SMARCD1: variants seen among roughly 807,000 people sequenced by gnomAD.
SMARCD1 encodes the protein SWI/SNF related BAF chromatin remodeling complex subunit D1.
Under a neutral mutation model 70.8 loss-of-function variants are expected in SMARCD1, and 16 were observed. That is an observed-to-expected ratio of 0.23 (90% CI 0.15 to 0.34). The LOEUF (loss-of-function observed/expected upper bound fraction) is 0.34. Among genes scored for constraint, SMARCD1 ranks in the 10% least tolerant of loss-of-function variants. SMARCD1 has a pLI of 1.00. For synonymous variants in SMARCD1, 249 were observed against 246.0 expected (o/e 1.01, Z -0.11); for missense variants, 409 against 655.5 (o/e 0.62, Z 4.11).
chr12:50,097,757 G>A lies in SMARCD1; in HGVS notation c.1392+785G>A, dbSNP rs538216961. On this transcript the variant is annotated intron_variant, in intron 11 of 12. Coordinates refer to ENST00000394963, the MANE Select transcript of SMARCD1 (RefSeq NM_003076.5). ...AATAAAAAAATCAGCCAGGCGTGGT[G>A]GCGGGTGCCTGTAATCCCAGCTACC... is the stretch of plus-strand genomic sequence containing the variant. 7.9e-5 allele frequency among the ~76,000 whole-genome samples: 12 copies of A among 151,964 alleles called. 1 individual carries two copies. In the South Asian group the frequency reaches 2.5e-3, roughly 32 times the overall value.
Position 50,090,330 on chromosome 12 carries a change from A to G in SMARCD1, c.963A>G (p.Gln321=). Residue 321 remains glutamine (Q), a synonymous_variant, in exon 8 of 13, where the codon CAA becomes CAG. Coordinates refer to ENST00000394963, the MANE Select transcript of SMARCD1 (RefSeq NM_003076.5). ...TRPVIIQALW[Q]YIKTHKLQDP... ...CAGTGATCATCCAAGCACTGTGGCA[A>G]TATATTAAGACACATAAGCTCCAGG... is the stretch of plus-strand genomic sequence containing the variant. The G allele has an allele frequency of 6.2e-7, 1 of 1,614,170 alleles. No individual in the cohort carries two copies. The highest frequency in any genetic ancestry group is 8.5e-7 in the Non-Finnish European group (1 of 1,180,022).
chr12:50,096,778 C>G (rs1950896745), intron 10 of SMARCD1, 72 bp from the exon 11 acceptor site: 1 of 1,467,474 alleles, frequency 6.8e-7, no homozygotes, highest in African/African-American at 1.4e-5. Flanking sequence ...GTGGAGTTGT[C>G]AGGCACCACC....
chr12:50,096,750 C>G (rs1950896440), intron 10 of SMARCD1, 100 bp from the exon 11 acceptor site: 1 of 1,084,890 alleles, frequency 9.2e-7, no homozygotes, highest in Admixed American at 2.1e-5. Flanking sequence ...AGCATGGTGA[C>G]TAGGTTGGAA....
chr12:50,089,870 CT>C lies in SMARCD1; in HGVS notation c.772-12del, dbSNP rs1565739418. 6 of 1,571,848 alleles carry C rather than the reference CT, an allele frequency of 3.8e-6. No individual in the cohort carries two copies. In the Middle Eastern group the frequency reaches 6.9e-4, roughly 180 times the overall value. The stretch of plus-strand genomic sequence containing the variant: ...CCTCTGGGAGAGCACCCCCTGACAT[CT>C]TCCTCTCTGTAGTGGCACAGGACCG... On this transcript the variant is annotated splice_polypyrimidine_tract_variant and intron_variant, in intron 6 of 12. Transcript: ENST00000394963.
intron 9 of SMARCD1, among the ~76,000 whole-genome samples, chr12:50,093,810 C>G (rs1033160978): frequency 6.6e-6 from 1 of 151,922 alleles, no homozygotes; most frequent in Non-Finnish European, 1.5e-5. Context: ...GAGATCGTCT[C>G]ACTCTGTCAC....
At chr12:50,097,265 G>C (rs1950900397) in intron 11 of SMARCD1, among the ~76,000 whole-genome samples, 1 of 152,168 alleles carries the variant, frequency 6.6e-6, no homozygotes, top group Non-Finnish European at 1.5e-5. Flanking sequence ...AACTAGGCTA[G>C]TATAGCCGGG....
In SMARCD1 at chr12:50,098,782, T is replaced by C. The variant is rs1950914407; in HGVS notation, c.1461T>C (p.Ala487=). 1 of 1,614,082 alleles carries C rather than the reference T, an allele frequency of 6.2e-7. No individual in the cohort carries two copies. Among genetic ancestry groups the C allele is most frequent in the Non-Finnish European group, 8.5e-7 (1 of 1,179,966 alleles). Residue 487 remains alanine (A), a synonymous_variant, in exon 12 of 13, where the codon GCT becomes GCC. Transcript: ENST00000394963. ...CTGAGTTCTACTTCCAGCCCTGGGC[T>C]CAGGAGGCTGTGTGCCGATACTTCT... The part of the protein sequence containing the change: ...RRAEFYFQPW[A]QEAVCRYFYS...
intron 10 of SMARCD1, 57 bp from the exon 11 acceptor site, chr12:50,096,793 A>T: frequency 6.4e-7 from 1 of 1,558,876 alleles, no homozygotes; most frequent in Non-Finnish European, 8.7e-7. Context: ...ACCACCTGCC[A>T]TTTAACTTCT....
At position 50,085,367 on chromosome 12, in the gene SMARCD1, A is replaced by T. The variant is rs1950775486; in HGVS notation, c.-3A>T. On this transcript the variant is annotated 5_prime_UTR_variant, in exon 1 of 13. Coordinates refer to ENST00000394963, the MANE Select transcript of SMARCD1 (RefSeq NM_003076.5). ...GTGCGGCTGCATCGGCGGCTCCGGG[A>T]AGATGGCGGCCCGGGCGGGTTTCCA... 8.7e-6 allele frequency: 11 copies of T among 1,259,486 alleles called. No homozygotes were observed. Among genetic ancestry groups the T allele is most frequent in the Non-Finnish European group, 1.1e-5 (11 of 1,005,046 alleles). The allele number at this position is 1,259,486 out of a possible 1,614,324, so 78.0% of individuals were successfully genotyped here. A position where few individuals can be genotyped will look rare whatever the true frequency, so the allele number is the denominator to read the frequency against.
intron 5 of SMARCD1, 63 bp downstream of exon 5, chr12:50,087,548 G>A (rs1358253190): frequency 1.3e-6 from 2 of 1,582,576 alleles, no homozygotes; most frequent in East Asian, 2.3e-5. Context: ...GAACAGTGTT[G>A]TCTGGTCAGC....
chr12:50,098,471 T>G, intron 11 of SMARCD1: 1 of 531,572 alleles, frequency 1.9e-6, no homozygotes, highest in South Asian at 2.2e-5. Context: ...TCTCCATGTC[T>G]AAATTTCCCC....
At chr12:50,088,292 TA>T (rs1565738679) in intron 5 of SMARCD1, 2 of 703,026 alleles carry the variant, frequency 2.8e-6, no homozygotes, top group South Asian at 3.0e-5. Flanking sequence ...ATGAGATGGG[TA>T]AAACAGTGAC....
intron 2 of SMARCD1, 73 bp from the exon 3 acceptor site, chr12:50,086,548 G>A: frequency 2.1e-6 from 3 of 1,458,986 alleles, no homozygotes; most frequent in Non-Finnish European, 2.9e-6. Context: ...ACTATAAATG[G>A]ACGTGCTGAC....
In SMARCD1 at chr12:50,085,347, G is replaced by A. The variant is rs1425529682; in HGVS notation, c.-23G>A. ...AGTTCCGGTTCCGGTTCTTTGTGCG[G>A]CTGCATCGGCGGCTCCGGGAAGATG... On this transcript the variant is annotated 5_prime_UTR_variant, in exon 1 of 13. Coordinates refer to ENST00000394963, the MANE Select transcript of SMARCD1 (RefSeq NM_003076.5). The A allele has an allele frequency of 3.2e-6, 4 of 1,262,210 alleles. No homozygotes were observed. The highest frequency in any genetic ancestry group is 3.5e-5 in the Admixed American group (1 of 28,788). 78.2% of individuals were successfully genotyped at this position (1,262,210 alleles called of 1,614,324 possible).
chr12:50,095,763 C>T (rs1950888372), intron 10 of SMARCD1, among the ~76,000 whole-genome samples: 1 of 152,076 alleles, frequency 6.6e-6, no homozygotes, highest in African/African-American at 2.4e-5. Context: ...GAGAGAGAGC[C>T]TGGTGTCTTA....
intron 9 of SMARCD1, among the ~76,000 whole-genome samples, chr12:50,091,185 T>C (rs948022563): frequency 5.9e-5 from 9 of 151,726 alleles, no homozygotes; most frequent in Non-Finnish European, 1.5e-5. Context: ...TGTATCCATC[T>C]GGCGGAAATA....
chr12:50,085,540 C>T lies in SMARCD1; in HGVS notation c.171C>T (p.Ala57=), dbSNP rs910587993. 2.4e-6 allele frequency: 3 copies of T among 1,233,184 alleles called. No homozygotes were observed. Among genetic ancestry groups the T allele is most frequent in the Non-Finnish European group, 3.0e-6 (3 of 988,082 alleles). The allele number at this position is 1,233,184 out of a possible 1,614,324, so 76.4% of individuals were successfully genotyped here. The part of the protein sequence containing the change: ...GLYRSPMPGA[A]YPRPGMLPGS... ...ACCGCTCCCCGATGCCCGGAGCGGC[C>T]TATCCGGTGAGTGGGGCAGGAGGAG... The change falls in exon 1 of 13, where the codon GCC becomes GCT. Residue 57 remains alanine (A), a synonymous_variant. Coordinates refer to ENST00000394963, the MANE Select transcript of SMARCD1 (RefSeq NM_003076.5).
rs1950923147 is a variant in SMARCD1 at position 50,099,758 on chromosome 12, G to T, written c.*758G>T. 1 of 158,400 alleles carries T rather than the reference G, an allele frequency of 6.3e-6. No individual in the cohort carries two copies. The highest frequency in any genetic ancestry group is 6.5e-5 in the Admixed American group (1 of 15,432). The allele number at this position is 158,400 out of a possible 1,614,324, so 9.8% of individuals were successfully genotyped here. A position where few individuals can be genotyped will look rare whatever the true frequency, so the allele number is the denominator to read the frequency against. On this transcript the variant is annotated 3_prime_UTR_variant, in exon 13 of 13. Coordinates refer to ENST00000394963, the MANE Select transcript of SMARCD1 (RefSeq NM_003076.5). The stretch of plus-strand genomic sequence containing the variant: ...GGGGGAATCTTGCCTTTCCCTTTCA[G>T]AGCCCCAGGGATCTCATCTGGGGAA...
intron 11 of SMARCD1, among the ~76,000 whole-genome samples, chr12:50,097,619 C>T (rs969337333): frequency 4.7e-4 from 67 of 143,918 alleles, no homozygotes; most frequent in African/African-American, 1.6e-3. Flanking sequence ...AGGCCAGGTG[C>T]GGTGGCTCAC....
Sources: gnomAD v4.1 joint callset for allele counts (sites outside exome capture counted in the v4.1 genomes callset) on GRCh38, gnomAD v4.1.1 for gene constraint, MANE v1.5 for transcripts, NCBI Gene and HGNC (gene_info 2026-07-23, HGNC 2026-07-21) for gene names.